The following NDUFA10 variants were observed in gnomAD, a reference collection of about 807,000 sequenced individuals.
NDUFA10 encodes the protein NADH:ubiquinone oxidoreductase subunit A10.
In NDUFA10, 40 loss-of-function variants were observed where a neutral mutation model predicts 47.8. That is an observed-to-expected ratio of 0.84 (90% CI 0.65 to 1.09). The LOEUF (loss-of-function observed/expected upper bound fraction) is 1.09. Among genes scored for constraint, NDUFA10 ranks in the 50% least tolerant of loss-of-function variants. NDUFA10 has a pLI of 0.00. For synonymous variants in NDUFA10, 183 were observed against 172.2 expected (o/e 1.06, Z -0.49); for missense variants, 413 against 451.1 (o/e 0.92, Z 0.76).
rs760219925 is a variant in NDUFA10 at position 240,011,628 on chromosome 2, G to A, written c.738C>T (p.Leu246=). The change falls in exon 6 of 10, where the codon CTC becomes CTT. Residue 246 remains leucine, a synonymous_variant. Coordinates refer to ENST00000252711, the MANE Select transcript of NDUFA10 (RefSeq NM_004544.4). ...DIENAYKKTF[L]PEMSEKCEVL... is the part of the protein sequence containing the mutation. The stretch of plus-strand genomic sequence containing the variant: ...TGTGTTTGGCTCACCTCATCTCAGG[G>A]AGAAAGGTTTTCTTATAGGCATTCT... 17 of 1,611,970 alleles carry A rather than the reference G, an allele frequency of 1.1e-5. No individual in the cohort carries two copies. Among genetic ancestry groups the A allele is most frequent in the Non-Finnish European group, 1.1e-5 (13 of 1,178,122 alleles).
chr2:239,976,700 T>C (rs1012259918), intron 9 of NDUFA10: 1 of 152,194 alleles, frequency 6.6e-6, no homozygotes, highest in East Asian at 1.9e-4. Flanking sequence ...GCCGACAGGC[T>C]GAACAGCCTT....
intron 8 of NDUFA10, among the ~76,000 whole-genome samples, chr2:240,000,881 C>A (rs926446675): frequency 1.3e-5 from 2 of 152,256 alleles, no homozygotes; most frequent in Non-Finnish European, 2.9e-5. Context: ...ATAGCATCTA[C>A]GCTTGTGTAA....
chr2:240,012,080 A>C lies in NDUFA10; in HGVS notation c.670-384T>G, dbSNP rs563387176. 1.6e-5 allele frequency: 5 copies of C among 316,846 alleles called. No homozygotes were observed. The East Asian group carries it at 3.1e-4, about 20-fold the overall frequency. The allele number at this position is 316,846 out of a possible 1,614,324, so 19.6% of individuals were successfully genotyped here. ...GCCTGTCTGTCCGCCATCTGTCCTC[A>C]GCACACTCTCTTCTTGTCACCTGAC... On this transcript the variant is annotated intron_variant, in intron 5 of 9. Transcript: ENST00000252711.
intron 9 of NDUFA10, among the ~76,000 whole-genome samples, chr2:239,967,933 T>C (rs1695142358): frequency 6.6e-6 from 1 of 150,472 alleles, no homozygotes; most frequent in African/African-American, 2.5e-5. Flanking sequence ...TATATAGTGC[T>C]TCAAATGCCA....
intron 4 of NDUFA10, among the ~76,000 whole-genome samples, chr2:239,924,227 C>T (rs1694034653): frequency 6.6e-6 from 1 of 151,808 alleles, no homozygotes; most frequent in South Asian, 2.1e-4. Context: ...TAATAAAAAC[C>T]TGAAAAAGGA....
intron 4 of NDUFA10, among the ~76,000 whole-genome samples, chr2:239,926,244 A>G (rs1694063573): frequency 6.6e-6 from 1 of 152,252 alleles, no homozygotes; most frequent in Non-Finnish European, 1.5e-5. Flanking sequence ...AACGATGTCA[A>G]TTTCCTTCAA....
In NDUFA10 at chr2:239,959,640, G is replaced by A; in HGVS notation, c.*1478C>T. 3.1e-6 allele frequency: 3 copies of A among 983,134 alleles called. No homozygotes were observed. Among genetic ancestry groups the A allele is most frequent in the Non-Finnish European group, 3.6e-6 (3 of 827,298 alleles). The allele number at this position is 983,134 out of a possible 1,614,324, so 60.9% of individuals were successfully genotyped here. A position where few individuals can be genotyped will look rare whatever the true frequency, so the allele number is the denominator to read the frequency against. ...AAACAAGGAAGGAGGCAGGGAGGAA[G>A]GGAAGGGAGGAAAACAAGGACAGAC... On this transcript the variant is annotated 3_prime_UTR_variant, in exon 10 of 10. Coordinates refer to ENST00000252711, the MANE Select transcript of NDUFA10 (RefSeq NM_004544.4).
intron 4 of NDUFA10, among the ~76,000 whole-genome samples, chr2:239,904,283 T>C (rs1693606821): frequency 6.6e-6 from 1 of 152,108 alleles, no homozygotes; most frequent in South Asian, 2.1e-4. Context: ...TTTTTAGTTA[T>C]TTATTATTTA....
At chr2:239,997,338 G>A (rs1362419148) in intron 8 of NDUFA10, among the ~76,000 whole-genome samples, 1 of 151,820 alleles carries the variant, frequency 6.6e-6, no homozygotes, top group East Asian at 1.9e-4. Context: ...TAAATATGAA[G>A]GGAAAATTCA....
In NDUFA10 at chr2:239,960,271, A is replaced by C. The variant is rs1199431572; in HGVS notation, c.*847T>G. 21 of 985,540 alleles carry C rather than the reference A, an allele frequency of 2.1e-5. No individual in the cohort carries two copies. The highest frequency in any genetic ancestry group is 2.5e-5 in the Non-Finnish European group (21 of 830,124). 61.0% of individuals were successfully genotyped at this position (985,540 alleles called of 1,614,324 possible). A position where few individuals can be genotyped will look rare whatever the true frequency, so the allele number is the denominator to read the frequency against. On this transcript the variant is annotated 3_prime_UTR_variant, in exon 10 of 10. Coordinates refer to ENST00000252711, the MANE Select transcript of NDUFA10 (RefSeq NM_004544.4). ...TCCTAAACCATGATGCTGAACCACA[A>C]CCAGCTTGTTTTGGTTTTCTAGGCT...
intron 9 of NDUFA10, chr2:239,983,748 G>C (rs748977291): frequency 1.1e-5 from 17 of 1,545,818 alleles, no homozygotes; most frequent in Non-Finnish European, 1.4e-5. Flanking sequence ...CCTCAACTGA[G>C]GGAGAGTCTA....
intron 1 of NDUFA10, among the ~76,000 whole-genome samples, chr2:240,023,241 G>T: frequency 6.6e-6 from 1 of 152,108 alleles, no homozygotes. Context: ...ACTATATACA[G>T]AAATTGTACA....
intron 8 of NDUFA10, among the ~76,000 whole-genome samples, chr2:239,996,799 G>GT (rs950361020): frequency 6.7e-6 from 1 of 148,258 alleles, no homozygotes; most frequent in Non-Finnish European, 1.5e-5. Flanking sequence ...AACATTGTGA[G>GT]TTTTTTTGCC....
At chr2:239,908,818 C>G (rs1244804283) in intron 4 of NDUFA10, among the ~76,000 whole-genome samples, 1 of 152,148 alleles carries the variant, frequency 6.6e-6, no homozygotes, top group Non-Finnish European at 1.5e-5. Flanking sequence ...GGTTGCACAC[C>G]ACGACAGCCA....
chr2:239,895,190 C>A, intron 5 of NDUFA10: 2 of 444,608 alleles, frequency 4.5e-6, no homozygotes, highest in Non-Finnish European at 9.4e-6. Flanking sequence ...CAGGCCTCTG[C>A]CCCAACTCAC....
chr2:240,021,437 A>C (rs753860077), intron 2 of NDUFA10, 25 bp from the exon 3 acceptor site: 28 of 1,600,566 alleles, frequency 1.7e-5, no homozygotes, highest in Middle Eastern at 3.6e-4. Context: ...AGTCGGATGC[A>C]GTCTGATGCA....
chr2:240,012,689 C>T (rs150381460), intron 5 of NDUFA10: 1 of 152,278 alleles, frequency 6.6e-6, no homozygotes, highest in Non-Finnish European at 1.5e-5. Flanking sequence ...ATAAGAAAAA[C>T]CCTATCATTC....
chr2:239,965,690 CCACTTTAAAATGAAA>C (rs1429689847), intron 9 of NDUFA10, among the ~76,000 whole-genome samples: 1 of 152,190 alleles, frequency 6.6e-6, no homozygotes, highest in East Asian at 1.9e-4. Flanking sequence ...GGCCGTACAC[CCACTTTAAAATGAAA>C]AGAAAATCAT....
chr2:239,951,566 G>A (rs888018610), intron 4 of NDUFA10, among the ~76,000 whole-genome samples: 1 of 152,198 alleles, frequency 6.6e-6, no homozygotes, highest in African/African-American at 2.4e-5. Context: ...TCAGCACCCA[G>A]TACAGGATGT....
Sources: allele counts gnomAD v4.1 joint callset (sites outside exome capture counted in the v4.1 genomes callset), GRCh38; gene constraint gnomAD v4.1.1; transcripts MANE v1.5; gene names NCBI Gene and HGNC (gene_info 2026-07-23, HGNC 2026-07-21).